COMMD10: variants seen among roughly 807,000 people sequenced by gnomAD.
COMMD10 encodes the protein COMM domain-containing protein 10.
Under a neutral mutation model 28.9 loss-of-function variants are expected in COMMD10, and 33 were observed. That is an observed-to-expected ratio of 1.14 (90% CI 0.87 to 1.53). The LOEUF is 1.53. Among genes scored for constraint, COMMD10 ranks in the 40% most tolerant of loss-of-function variants. The pLI is 0.00. For synonymous variants in COMMD10, 110 were observed against 81.7 expected (o/e 1.35, Z -1.87); for missense variants, 310 against 233.4 (o/e 1.33, Z -2.14).
At chr5:116,166,162 G>GTA (rs5870690) in intron 5 of COMMD10, among the ~76,000 whole-genome samples, 2 of 151,938 alleles carry the variant, frequency 1.3e-5, no homozygotes, top group African/African-American at 2.4e-5. Context: ...GTCAAATGGC[G>GTA]ATAGTTGTTC....
intron 5 of COMMD10, among the ~76,000 whole-genome samples, chr5:116,134,895 A>G (rs1218386687): frequency 6.6e-6 from 1 of 152,116 alleles, no homozygotes; most frequent in Non-Finnish European, 1.5e-5. Context: ...TGCTGGGATT[A>G]CAGGCGTGAG....
At chr5:116,168,514 A>C (rs1002583960) in intron 5 of COMMD10, among the ~76,000 whole-genome samples, 3 of 152,136 alleles carry the variant, frequency 2.0e-5, no homozygotes, top group African/African-American at 7.2e-5. Context: ...CTCCACCCCA[A>C]TCAACAGAGT....
intron 5 of COMMD10, among the ~76,000 whole-genome samples, chr5:116,173,363 C>T (rs984380985): frequency 6.6e-6 from 1 of 151,906 alleles, no homozygotes; most frequent in Non-Finnish European, 1.5e-5. Flanking sequence ...TTATATAAGC[C>T]AATTTAAGCA....
rs556628558 is a variant in COMMD10 at position 116,255,782 on chromosome 5, G to A, written c.511-35735G>A. ...TACAGGCAAAAAAGATACAACCCAT[G>A]AGTGCTTACTTTTTCGGGTTGTACC... On this transcript the variant is annotated intron_variant, in intron 5 of 6. Coordinates refer to ENST00000274458, the MANE Select transcript of COMMD10 (RefSeq NM_016144.4). 251 of 151,170 alleles carry A rather than the reference G, an allele frequency of 1.7e-3. 5 individuals carry two copies. Among genetic ancestry groups the A allele is most frequent in the African/African-American group, 5.8e-3 (237 of 41,042 alleles). The allele number at this position is 151,170 out of a possible 1,614,324, so 9.4% of individuals were successfully genotyped here.
intron 5 of COMMD10, among the ~76,000 whole-genome samples, chr5:116,157,533 G>A (rs1308888190): frequency 6.6e-6 from 1 of 152,148 alleles, no homozygotes; most frequent in Non-Finnish European, 1.5e-5. Context: ...CAGCAGAAAA[G>A]ATGTAGGATA....
chr5:116,162,801 G>C (rs932387795), intron 5 of COMMD10, among the ~76,000 whole-genome samples: 2 of 152,162 alleles, frequency 1.3e-5, no homozygotes, highest in Non-Finnish European at 2.9e-5. Flanking sequence ...TCAGTGTTGG[G>C]TTATCGCACA....
chr5:116,215,458 G>C (rs1483278076), intron 5 of COMMD10, among the ~76,000 whole-genome samples: 3 of 151,542 alleles, frequency 2.0e-5, no homozygotes, highest in Non-Finnish European at 4.4e-5. Context: ...GGAGGCCAAG[G>C]CTGGTGGATC....
chr5:116,195,401 T>C (rs1458741164), intron 5 of COMMD10, among the ~76,000 whole-genome samples: 1 of 152,064 alleles, frequency 6.6e-6, no homozygotes, highest in Non-Finnish European at 1.5e-5. Context: ...TCGTTTACCT[T>C]GAAAACCCTA....
chr5:116,201,247 G>A (rs556489664), intron 5 of COMMD10, among the ~76,000 whole-genome samples: 104 of 152,224 alleles, frequency 6.8e-4, no homozygotes, highest in African/African-American at 2.4e-3. Flanking sequence ...AGAGTGATCC[G>A]GCATATTTTA....
chr5:116,241,076 C>G (rs376225337), intron 5 of COMMD10, among the ~76,000 whole-genome samples: 23 of 152,252 alleles, frequency 1.5e-4, no homozygotes, highest in African/African-American at 5.3e-4. Context: ...TTGGGTAGAA[C>G]AGGAATGAAG....
At chr5:116,198,188 T>C (rs1354396015) in intron 5 of COMMD10, among the ~76,000 whole-genome samples, 1 of 152,202 alleles carries the variant, frequency 6.6e-6, no homozygotes. Context: ...GCTTAATTTC[T>C]AAGTACATTT....
intron 5 of COMMD10, among the ~76,000 whole-genome samples, chr5:116,147,463 A>G (rs1490578171): frequency 6.6e-6 from 1 of 151,926 alleles, no homozygotes; most frequent in Admixed American, 6.6e-5. Context: ...TAATCAATGA[A>G]TAGCAAATTA....
chr5:116,120,515 A>G (rs142114835), intron 4 of COMMD10, among the ~76,000 whole-genome samples: 148 of 152,182 alleles, frequency 9.7e-4, no homozygotes, highest in African/African-American at 3.4e-3. Context: ...ATTAAAAAAA[A>G]TTTTTTTTAA....
chr5:116,145,322 T>G (rs1752311759), intron 5 of COMMD10, among the ~76,000 whole-genome samples: 1 of 151,746 alleles, frequency 6.6e-6, no homozygotes, highest in Admixed American at 6.6e-5. Flanking sequence ...GGTTGTGTAG[T>G]TTTCTTCATC....
At chr5:116,207,023 T>TA (rs1247713154) in intron 5 of COMMD10, among the ~76,000 whole-genome samples, 3 of 152,236 alleles carry the variant, frequency 2.0e-5, no homozygotes, top group Non-Finnish European at 4.4e-5. Flanking sequence ...TTTTATTTTT[T>TA]AAGAACTGAG....
chr5:116,285,018 A>C (rs1391258536), intron 5 of COMMD10, among the ~76,000 whole-genome samples: 4 of 151,414 alleles, frequency 2.6e-5, no homozygotes, highest in Non-Finnish European at 4.4e-5. Flanking sequence ...GACAGGTAAA[A>C]AATGAAGTTA....
At chr5:116,155,099 C>A (rs1252530596) in intron 5 of COMMD10, among the ~76,000 whole-genome samples, 1 of 152,070 alleles carries the variant, frequency 6.6e-6, no homozygotes, top group African/African-American at 2.4e-5. Flanking sequence ...ACATATGAGA[C>A]CTTGGCATAC....
chr5:116,156,435 C>T (rs1352073884), intron 5 of COMMD10, among the ~76,000 whole-genome samples: 1 of 152,134 alleles, frequency 6.6e-6, no homozygotes. Context: ...CAGTTTCATT[C>T]ATTGATATCT....
In COMMD10 at chr5:116,114,516, T is replaced by A. The variant is rs537753101; in HGVS notation, c.400-19552T>A. ...CCCAAACTCTGTCCCCTGGGAGAAGTGCTTGGGTGTCTCAGGCAGTGGGCT... is the reference window on the plus strand; with the variant it reads ...CCCAAACTCTGTCCCCTGGGAGAAGAGCTTGGGTGTCTCAGGCAGTGGGCT... On this transcript the variant is annotated intron_variant, in intron 4 of 6. Transcript: ENST00000274458. 2.0e-5 allele frequency among the ~76,000 whole-genome samples: 3 copies of A among 151,856 alleles called. No homozygotes were observed. The East Asian group carries it at 5.8e-4, about 29-fold the overall frequency.
Sources: allele counts gnomAD v4.1 joint callset (sites outside exome capture counted in the v4.1 genomes callset), GRCh38; gene constraint gnomAD v4.1.1; transcripts MANE v1.5; gene names NCBI Gene and HGNC (gene_info 2026-07-23, HGNC 2026-07-21).